CDH3: variants seen among roughly 807,000 people sequenced by gnomAD.
CDH3 encodes the protein cadherin 3, also known as cadherin-3.
In CDH3, 54 loss-of-function variants were observed where a neutral mutation model predicts 82.0. That is an observed-to-expected ratio of 0.66 (90% CI 0.53 to 0.83). CDH3 has a LOEUF of 0.83. Ranked by LOEUF, CDH3 falls within the 40% of genes least tolerant of loss-of-function variation. The pLI, the probability that CDH3 is intolerant of heterozygous loss-of-function variation, is 0.00. For synonymous variants in CDH3, 446 were observed against 437.9 expected, an observed-to-expected ratio of 1.02 and a Z score of -0.23; for missense variants, 1,054 against 1,084.6, an observed-to-expected ratio of 0.97 and a Z score of 0.40.
chr16:68,696,729 A>G (rs1382575575), intron 15 of CDH3: 1 of 152,550 alleles, frequency 6.6e-6, no homozygotes, highest in African/African-American at 2.4e-5. Context: ...TTAAACTACA[A>G]TTTAGACAAA....
At chr16:68,694,012 T>C (rs898154317) in intron 13 of CDH3, among the ~76,000 whole-genome samples, 1 of 151,956 alleles carries the variant, frequency 6.6e-6, no homozygotes, top group African/African-American at 2.4e-5. Context: ...TCCCAGCACT[T>C]TGGGAGCTGA....
At chr16:68,718,751 A>G (rs1962123758) in intron 1 of CDH3, among the ~76,000 whole-genome samples, 1 of 152,176 alleles carries the variant, frequency 6.6e-6, no homozygotes, top group Non-Finnish European at 1.5e-5. Context: ...TGCTAACCAT[A>G]TGATTTAGTA....
chr16:68,675,697 G>A (rs1045880941), intron 2 of CDH3, among the ~76,000 whole-genome samples: 1 of 152,046 alleles, frequency 6.6e-6, no homozygotes, highest in African/African-American at 2.4e-5. Context: ...AGGAGGTTGA[G>A]GCGGGAGAAT....
chr16:68,717,665 C>T (rs935443648), intron 1 of CDH3, among the ~76,000 whole-genome samples: 3 of 151,626 alleles, frequency 2.0e-5, no homozygotes, highest in East Asian at 1.9e-4. Flanking sequence ...CCCAGCTACT[C>T]GGGAGGCTGA....
chr16:68,674,331 C>T (rs1000138049), intron 2 of CDH3, among the ~76,000 whole-genome samples: 2 of 152,106 alleles, frequency 1.3e-5, no homozygotes, highest in Admixed American at 6.6e-5. Context: ...TGTGTATCTT[C>T]TCTGGAGAAA....
At chr16:68,720,052 G>T (rs1490818534) in intron 1 of CDH3, among the ~76,000 whole-genome samples, 1 of 152,068 alleles carries the variant, frequency 6.6e-6, no homozygotes, top group Non-Finnish European at 1.5e-5. Context: ...AGCTACTTGG[G>T]AGGCTGAGGT....
At chr16:68,676,766 C>A (rs969254802) in intron 3 of CDH3, among the ~76,000 whole-genome samples, 3 of 152,182 alleles carry the variant, frequency 2.0e-5, no homozygotes, top group Non-Finnish European at 4.4e-5. Flanking sequence ...CCTTCCTTTA[C>A]TTCCTTCCCT....
At chr16:68,680,539 C>A (rs925774218) in intron 7 of CDH3, among the ~76,000 whole-genome samples, 5 of 152,100 alleles carry the variant, frequency 3.3e-5, no homozygotes, top group African/African-American at 1.2e-4. Context: ...ATTAGCTGGG[C>A]GTGGTGGCAG....
chr16:68,726,458 A>C (rs1024122571), intron 2 of CDH3, among the ~76,000 whole-genome samples: 1 of 152,180 alleles, frequency 6.6e-6, no homozygotes, highest in African/African-American at 2.4e-5. Context: ...TTTGCCACTC[A>C]GTTCAAATGG....
chr16:68,666,198 T>TGAG (rs1226332011), intron 2 of CDH3, among the ~76,000 whole-genome samples: 1 of 151,804 alleles, frequency 6.6e-6, no homozygotes, highest in African/African-American at 2.4e-5. Flanking sequence ...GGCTGCAAGC[T>TGAG]GAGGCCCTCA....
At chr16:68,693,437 T>C (rs945946990) in intron 13 of CDH3, among the ~76,000 whole-genome samples, 42 of 151,900 alleles carry the variant, frequency 2.8e-4, no homozygotes, top group African/African-American at 9.7e-4. Flanking sequence ...TCCCTTCAGA[T>C]TGATGTGTGG....
downstream of CDH3, among the ~76,000 whole-genome samples, chr16:68,727,764 C>A (rs369199315): frequency 3.3e-4 from 50 of 152,128 alleles, no homozygotes; most frequent in African/African-American, 1.2e-3. Flanking sequence ...AAAAAATTAG[C>A]CAGGCGTGGT....
intron 11 of CDH3, chr16:68,686,761 A>C: frequency 1.6e-6 from 1 of 640,228 alleles, no homozygotes; most frequent in Non-Finnish European, 2.8e-6. Flanking sequence ...TCATCATGTA[A>C]ATAATTTCCA....
chr16:68,688,952 C>T (rs371510443), intron 12 of CDH3, among the ~76,000 whole-genome samples: 4 of 152,144 alleles, frequency 2.6e-5, no homozygotes, highest in African/African-American at 9.7e-5. Flanking sequence ...GTCTCACTCA[C>T]CATGGTGTGG....
rs1253232763 is a variant in CDH3 at position 68,662,829 on chromosome 16, A to C, written c.161-13556A>C. 2.9e-5 allele frequency among the ~76,000 whole-genome samples: 4 copies of C among 139,720 alleles called. No individual in the cohort carries two copies. The Admixed American group carries it at 3.0e-4, about 11-fold the overall frequency. 91.7% of individuals were successfully genotyped at this position (139,720 alleles called of 152,430 possible). ...CCAAAGTGCTGGGATTACAGGTGTGAGCCACCGTTCCCGGAGGCTGGTGGA... is the reference window on the plus strand; with the variant it reads ...CCAAAGTGCTGGGATTACAGGTGTGCGCCACCGTTCCCGGAGGCTGGTGGA... On this transcript the variant is annotated intron_variant, in intron 2 of 15. Coordinates refer to ENST00000264012, the MANE Select transcript of CDH3 (RefSeq NM_001793.6).
In CDH3 at chr16:68,707,051, G is replaced by C. The variant is rs545113256; in HGVS notation, c.99+11128G>C. Among the ~76,000 whole-genome samples, 2 of 152,260 alleles carry C rather than the reference G, an allele frequency of 1.3e-5. No individual in the cohort carries two copies. Among genetic ancestry groups the C allele is most frequent in the South Asian group, 4.1e-4 (2 of 4,824 alleles). ...CTAGGGAGGAAGGGCCTGGGGGTAG[G>C]GCTCAGTTCTAGGAGCCAGGGAAGG... is the stretch of plus-strand genomic sequence containing the variant. On this transcript the variant is annotated intron_variant, in intron 1 of 2. Coordinates refer to the CDH3 transcript ENST00000569080. The surrounding 1 kb of genome is among the most constrained non-coding windows in gnomAD (Gnocchi z 4.5).
At chr16:68,721,832 G>A (rs2152111319) in intron 1 of CDH3, among the ~76,000 whole-genome samples, 2 of 152,280 alleles carry the variant, frequency 1.3e-5, no homozygotes, top group Non-Finnish European at 2.9e-5. Flanking sequence ...GCTCACGCCT[G>A]TAATTCTAGC....
At chr16:68,661,345 CTG>C (rs780423104) in intron 2 of CDH3, among the ~76,000 whole-genome samples, 124 of 152,274 alleles carry the variant, frequency 8.1e-4, no homozygotes, top group Admixed American at 2.3e-3. Flanking sequence ...TACTTAACCT[CTG>C]TGCCTCAGTT....
chr16:68,681,329 C>T lies in CDH3; in HGVS notation c.996+233C>T, dbSNP rs188631660. On this transcript the variant is annotated intron_variant, in intron 8 of 15. Transcript: ENST00000264012. The stretch of plus-strand genomic sequence containing the variant: ...AGTTTCAAATGAAATAATCTATGTA[C>T]GTTTCCTAACACGATGCCCTAAAAG... Among the ~76,000 whole-genome samples, 41 of 152,294 alleles carry T rather than the reference C, an allele frequency of 2.7e-4. 1 individual carries two copies. In the East Asian group the frequency reaches 4.6e-3, roughly 17 times the overall value.
Sources: allele counts gnomAD v4.1 joint callset (sites outside exome capture counted in the v4.1 genomes callset), GRCh38; gene constraint gnomAD v4.1.1; non-coding constraint Gnocchi (gnomAD v3.1); transcripts MANE v1.5; gene names NCBI Gene and HGNC (gene_info 2026-07-23, HGNC 2026-07-21).